ACYP2: variants seen among roughly 807,000 people sequenced by gnomAD.
The protein encoded by ACYP2 is acylphosphatase-2.
ACYP2 carries 12 observed loss-of-function variants against 11.2 expected under a neutral mutation model. The ratio of observed to expected loss-of-function variants is 1.08; its 90% CI spans 0.69 to 1.74. ACYP2 has a LOEUF of 1.74. Ranked by LOEUF, ACYP2 falls within the 40% of genes most tolerant of loss-of-function variation. ACYP2 has a pLI of 0.00. For synonymous variants in ACYP2, 43 were observed against 32.2 expected, an observed-to-expected ratio of 1.33 and a Z score of -1.13; for missense variants, 134 against 101.9, an observed-to-expected ratio of 1.31 and a Z score of -1.35.
intron 6 of ACYP2, among the ~76,000 whole-genome samples, chr2:54,149,130 T>C (rs1229990266): frequency 6.6e-6 from 1 of 152,174 alleles, no homozygotes; most frequent in African/African-American, 2.4e-5. Flanking sequence ...TACTTTCTTA[T>C]AGCTATTTTT....
intron 6 of ACYP2, among the ~76,000 whole-genome samples, chr2:54,177,897 CTTTCTTTA>C (rs71665191): frequency 0.11 from 12,688 of 111,766 alleles, 1,273 homozygotes; most frequent in African/African-American, 0.3. Context: ...TCTTTTCTTT[CTTTCTTTA>C]TTTTTTTTTT....
At chr2:54,009,374 C>T (rs372895211) in intron 2 of ACYP2, among the ~76,000 whole-genome samples, 249 of 152,000 alleles carry the variant, frequency 1.6e-3, no homozygotes, top group African/African-American at 5.7e-3. Context: ...GCCTGGCCAA[C>T]ATGATGAAAC....
At chr2:54,226,886 A>T (rs1248294037) in intron 6 of ACYP2, among the ~76,000 whole-genome samples, 1 of 152,238 alleles carries the variant, frequency 6.6e-6, no homozygotes, top group Non-Finnish European at 1.5e-5. Context: ...CTTCATAGCA[A>T]CACACTCATT....
intron 6 of ACYP2, among the ~76,000 whole-genome samples, chr2:54,156,688 T>C (rs768462968): frequency 6.6e-6 from 1 of 152,284 alleles, no homozygotes. Flanking sequence ...TTTTTTGAGA[T>C]GGAATCTTGC....
At chr2:54,075,978 C>T (rs147909540) in intron 4 of ACYP2, among the ~76,000 whole-genome samples, 36 of 151,882 alleles carry the variant, frequency 2.4e-4, no homozygotes, top group African/African-American at 7.5e-4. Flanking sequence ...GCAGATATTT[C>T]GAGTTTTGCA....
intron 6 of ACYP2, among the ~76,000 whole-genome samples, chr2:54,157,206 A>G (rs1250277311): frequency 2.6e-5 from 4 of 152,150 alleles, no homozygotes; most frequent in Non-Finnish European, 5.9e-5. Context: ...TGCATGTAAC[A>G]TGTATATATA....
intron 6 of ACYP2, among the ~76,000 whole-genome samples, chr2:54,198,332 A>G (rs1044908982): frequency 3.3e-5 from 5 of 152,092 alleles, no homozygotes; most frequent in Admixed American, 1.3e-4. Flanking sequence ...ATGATTTTAA[A>G]AAGAACACTC....
At chr2:54,225,217 C>T (rs1283122373) in intron 6 of ACYP2, among the ~76,000 whole-genome samples, 2 of 152,100 alleles carry the variant, frequency 1.3e-5, no homozygotes, top group South Asian at 2.1e-4. Flanking sequence ...GTGGACAACA[C>T]GGCTGTGTGT....
At position 54,024,810 on chromosome 2, in the gene ACYP2, G is replaced by T. The variant is rs569565324; in HGVS notation, c.63-26148G>T. On this transcript the variant is annotated intron_variant, in intron 2 of 6. Transcript: ENST00000607452. ...GGAAATCAAACTGTCGCTGTTTCCT[G>T]ACGATATGATCATATACCTAGAAAA... Among the ~76,000 whole-genome samples, 222 of 152,242 alleles carry T rather than the reference G, an allele frequency of 1.5e-3. 1 individual carries two copies. The highest frequency in any genetic ancestry group is 5.3e-3 in the African/African-American group (219 of 41,548).
At chr2:54,256,165 A>G in intron 6 of ACYP2, 2 of 1,602,812 alleles carry the variant, frequency 1.2e-6, no homozygotes, top group South Asian at 1.1e-5. Context: ...GGTAGCGGCC[A>G]GGGCAGCAGT....
intron 6 of ACYP2, among the ~76,000 whole-genome samples, chr2:54,201,636 C>CTTTCTTTCT (rs59874821): frequency 1.1e-5 from 1 of 93,662 alleles, no homozygotes; most frequent in Admixed American, 1.1e-4. Flanking sequence ...TTCTTTCTTT[C>CTTTCTTTCT]TCTTTCTTTC....
At chr2:54,149,089 A>G (rs977422338) in intron 6 of ACYP2, among the ~76,000 whole-genome samples, 12 of 152,242 alleles carry the variant, frequency 7.9e-5, no homozygotes, top group African/African-American at 2.4e-4. Flanking sequence ...CATCAGTACA[A>G]AAAACACAAA....
intron 6 of ACYP2, among the ~76,000 whole-genome samples, chr2:54,278,860 T>A (rs1688727519): frequency 6.6e-6 from 1 of 152,228 alleles, no homozygotes; most frequent in Non-Finnish European, 1.5e-5. Context: ...TAGATGCTGC[T>A]GTACTATCAT....
intron 4 of ACYP2, among the ~76,000 whole-genome samples, chr2:54,113,040 G>T (rs562003445): frequency 2.6e-5 from 4 of 152,140 alleles, no homozygotes; most frequent in Non-Finnish European, 5.9e-5. Flanking sequence ...GCAGGGGATT[G>T]GTTCCAGGAA....
intron 6 of ACYP2, among the ~76,000 whole-genome samples, chr2:54,242,203 T>C (rs1017486673): frequency 6.6e-6 from 1 of 152,200 alleles, no homozygotes; most frequent in Non-Finnish European, 1.5e-5. Context: ...GAATTGACAT[T>C]CCAGCACAGT....
At chr2:54,162,952 C>A (rs961508238) in intron 6 of ACYP2, among the ~76,000 whole-genome samples, 17 of 152,300 alleles carry the variant, frequency 1.1e-4, no homozygotes, top group Non-Finnish European at 2.2e-4. Flanking sequence ...CACCGCACCC[C>A]AGTCTGGAGC....
intron 6 of ACYP2, among the ~76,000 whole-genome samples, chr2:54,191,764 G>A (rs1684249732): frequency 6.6e-6 from 1 of 152,014 alleles, no homozygotes. Context: ...AGATTTGTTT[G>A]AATACCCTCC....
chr2:54,113,930 A>C (rs955590421), intron 4 of ACYP2, among the ~76,000 whole-genome samples: 1 of 152,172 alleles, frequency 6.6e-6, no homozygotes, highest in African/African-American at 2.4e-5. Context: ...GTCTGCATGG[A>C]ATGAACTGGG....
intron 6 of ACYP2, among the ~76,000 whole-genome samples, chr2:54,257,542 A>G (rs1687611429): frequency 6.6e-6 from 1 of 152,236 alleles, no homozygotes; most frequent in Admixed American, 6.5e-5. Flanking sequence ...CTCATCATGA[A>G]AAATAATTTG....
Sources: allele counts gnomAD v4.1 joint callset (sites outside exome capture counted in the v4.1 genomes callset), GRCh38; gene constraint gnomAD v4.1.1; transcripts MANE v1.5; gene names NCBI Gene and HGNC (gene_info 2026-07-23, HGNC 2026-07-21).